Variants in BRD10 observed in about 807,000 individuals in gnomAD.
The protein encoded by BRD10 is uncharacterized bromodomain-containing protein 10.
At chr9:6,007,167 A>C in the BRD10 span, 1 of 1,598,180 alleles carries the variant, frequency 6.3e-7, no homozygotes, top group Admixed American at 1.7e-5. Flanking sequence ...TCAGTCTGTC[A>C]GTCCCACCGG....
the BRD10 span, among the ~76,000 whole-genome samples, chr9:5,890,519 T>C: frequency 2.0e-5 from 3 of 152,176 alleles, no homozygotes; most frequent in Non-Finnish European, 4.4e-5. Flanking sequence ...TAGATGAAAT[T>C]TTCTTTTTGC....
the BRD10 span, among the ~76,000 whole-genome samples, chr9:5,966,958 A>T: frequency 6.6e-6 from 1 of 152,184 alleles, no homozygotes; most frequent in Non-Finnish European, 1.5e-5. Context: ...AATATATTTT[A>T]TACTACTTTA....
the BRD10 span, among the ~76,000 whole-genome samples, chr9:5,977,620 G>A: frequency 9.8e-5 from 15 of 152,288 alleles, no homozygotes; most frequent in Admixed American, 7.8e-4. Flanking sequence ...GGCTGAGGTG[G>A]GCAGATCACG....
chr9:6,001,313 G>A, the BRD10 span, among the ~76,000 whole-genome samples: 3 of 151,380 alleles, frequency 2.0e-5, no homozygotes, highest in South Asian at 2.1e-4. Context: ...AAATCTTCAC[G>A]TTACTCCCTT....
chr9:5,992,130 T>C, the BRD10 span, among the ~76,000 whole-genome samples: 1 of 152,226 alleles, frequency 6.6e-6, no homozygotes, highest in African/African-American at 2.4e-5. Flanking sequence ...ACTAGTTTCT[T>C]TTTCATGTCA....
the BRD10 span, among the ~76,000 whole-genome samples, chr9:5,967,144 C>T: frequency 6.6e-6 from 1 of 152,072 alleles, no homozygotes; most frequent in East Asian, 1.9e-4. Flanking sequence ...AGCTGAAATC[C>T]ACAAACAATG....
At chr9:5,929,162 A>G in the BRD10 span, 51 of 1,435,638 alleles carry the variant, frequency 3.6e-5, 1 homozygote, top group Non-Finnish European at 4.8e-5. Context: ...CATTTTCCCT[A>G]AAAATAATGT....
At chr9:5,940,960 T>C in the BRD10 span, among the ~76,000 whole-genome samples, 1 of 152,204 alleles carries the variant, frequency 6.6e-6, no homozygotes, top group African/African-American at 2.4e-5. Flanking sequence ...AGAGGTTTTT[T>C]TCCTTATAAA....
At chr9:5,910,139 C>T in the BRD10 span, 1 of 152,208 alleles carries the variant, frequency 6.6e-6, no homozygotes, top group Admixed American at 6.5e-5. Flanking sequence ...AAGTTAAAGG[C>T]TGTCTTTGAC....
the BRD10 span, among the ~76,000 whole-genome samples, chr9:5,901,309 C>G: frequency 6.6e-6 from 1 of 152,122 alleles, no homozygotes; most frequent in African/African-American, 2.4e-5. Context: ...CTGATCTTAG[C>G]AGAAAAGCTT....
At chr9:5,980,378 C>T in the BRD10 span, among the ~76,000 whole-genome samples, 4 of 152,118 alleles carry the variant, frequency 2.6e-5, no homozygotes, top group Non-Finnish European at 4.4e-5. Context: ...GGCCATCACT[C>T]GCCATCTCCT....
At chr9:5,915,256 T>C in the BRD10 span, among the ~76,000 whole-genome samples, 1 of 152,136 alleles carries the variant, frequency 6.6e-6, no homozygotes, top group Non-Finnish European at 1.5e-5. Context: ...TCACACCACT[T>C]TTCTGGCCCA....
At chr9:5,952,597 C>A in the BRD10 span, among the ~76,000 whole-genome samples, 5 of 152,164 alleles carry the variant, frequency 3.3e-5, no homozygotes, top group African/African-American at 9.7e-5. Flanking sequence ...CTAATGAATA[C>A]CACTGCAATT....
At chr9:5,997,449 T>TC in the BRD10 span, among the ~76,000 whole-genome samples, 198 of 151,794 alleles carry the variant, frequency 1.3e-3, 2 homozygotes, top group Non-Finnish European at 2.8e-4. Flanking sequence ...GGGTTTTTTT[T>TC]TTGACAGAGG....
chr9:5,911,119 C>T, the BRD10 span, among the ~76,000 whole-genome samples: 1 of 152,208 alleles, frequency 6.6e-6, no homozygotes, highest in Non-Finnish European at 1.5e-5. Flanking sequence ...TCTTTGCTCA[C>T]TCCAATGTCC....
chr9:5,999,241 A>G, the BRD10 span, among the ~76,000 whole-genome samples: 1 of 152,078 alleles, frequency 6.6e-6, no homozygotes, highest in South Asian at 2.1e-4. Flanking sequence ...AAAGAAACAA[A>G]ACAACTAAGT....
chr9:5,993,333 A>C, the BRD10 span, among the ~76,000 whole-genome samples: 1 of 148,324 alleles, frequency 6.7e-6, no homozygotes, highest in South Asian at 2.1e-4. Context: ...AAAAAAAAAA[A>C]AAACAACTAA....
the BRD10 span, among the ~76,000 whole-genome samples, chr9:6,001,387 A>C: frequency 6.6e-6 from 1 of 152,194 alleles, no homozygotes; most frequent in African/African-American, 2.4e-5. Context: ...CATTCACGGT[A>C]CTTTATGATT....
At chr9:5,902,158 A>G in the BRD10 span, among the ~76,000 whole-genome samples, 1 of 152,172 alleles carries the variant, frequency 6.6e-6, no homozygotes, top group East Asian at 1.9e-4. Context: ...TGTTTTGGAA[A>G]GTTATTATTG....
Sources: gnomAD v4.1 joint callset for allele counts (sites outside exome capture counted in the v4.1 genomes callset) on GRCh38, gnomAD v4.1.1 for gene constraint, MANE v1.5 for transcripts, NCBI Gene and HGNC (gene_info 2026-07-23, HGNC 2026-07-21) for gene names.